PCDHGA11: variants seen among roughly 807,000 people sequenced by gnomAD.
The protein encoded by PCDHGA11 is protocadherin gamma subfamily A, 11, also known as protocadherin gamma-A11.
In PCDHGA11, 39 loss-of-function variants were observed where a neutral mutation model predicts 60.4. That is an observed-to-expected ratio of 0.65 (90% CI 0.50 to 0.84). The LOEUF (loss-of-function observed/expected upper bound fraction) is 0.84, where lower values mean the gene tolerates loss of function less well. Among genes scored for constraint, PCDHGA11 ranks in the 40% least tolerant of loss-of-function variants. PCDHGA11 has a pLI of 0.00. For missense variants in PCDHGA11, 1,165 were observed against 1,197.7 expected, an observed-to-expected ratio of 0.97 and a Z score of 0.40; for synonymous variants, 533 against 510.3, an observed-to-expected ratio of 1.04 and a Z score of -0.60.
At chr5:141,510,850 G>A in intron 3 of PCDHGA11, 97 bp from the exon 4 acceptor site, 4 of 1,599,444 alleles carry the variant, frequency 2.5e-6, no homozygotes, top group South Asian at 1.1e-5. Context: ...AAGGCCCAGG[G>A]TGCTGTATAG....
intron 1 of PCDHGA11, among the ~76,000 whole-genome samples, chr5:141,445,668 G>C (rs899062385): frequency 6.6e-6 from 1 of 152,156 alleles, no homozygotes; most frequent in Non-Finnish European, 1.5e-5. Flanking sequence ...ATGAGTAGAA[G>C]TTATCTAGGT....
rs763239421 is a variant in PCDHGA11, at chr5:141,477,265, G to C, written c.2434-17542G>C. 1 of 1,614,198 alleles carries C rather than the reference G, an allele frequency of 6.2e-7. No homozygotes were observed. Among genetic ancestry groups the C allele is most frequent in the Admixed American group, 1.7e-5 (1 of 60,020 alleles). On this transcript the variant is annotated intron_variant, in intron 1 of 3. Coordinates refer to ENST00000398587, the MANE Select transcript of PCDHGA11 (RefSeq NM_018914.3). The surrounding 1 kb of genome is among the most constrained non-coding windows in gnomAD (Gnocchi z 4.9). ...GTGTGACTGACCTGGATGCTGGCGA[G>C]AACGGGCTGGTGACCTGCGAAGTTC...
chr5:141,423,086 T>TG lies in PCDHGA11; in HGVS notation c.1864dup (p.Glu622GlyfsTer63). The TG allele has an allele frequency of 6.2e-7, 1 of 1,613,912 alleles. No individual in the cohort carries two copies. The highest frequency in any genetic ancestry group is 1.1e-5 in the South Asian group (1 of 91,060). On this transcript the variant is annotated frameshift_variant, in exon 1 of 4. Transcript: ENST00000398587. LOFTEE classifies it high-confidence loss of function. ...GCCAGCGAGCCGGGACTCTTCGCGG[T>TG]GGGGGAGCACACGGGCGAGGTGCGT...
chr5:141,471,006 T>A (rs560578929), intron 1 of PCDHGA11, among the ~76,000 whole-genome samples: 57 of 150,804 alleles, frequency 3.8e-4, no homozygotes, highest in African/African-American at 1.3e-3. Context: ...CATGAGCCAC[T>A]GTGCCTGGTC....
At position 141,490,169 on chromosome 5, in the gene PCDHGA11, T is replaced by C; in HGVS notation, c.2434-4638T>C. ...ATCCATGTGTTGGGTCCCATAGACT[T>C]TGAGGAGTCACGTTTCTATGAAATT... On this transcript the variant is annotated intron_variant, in intron 1 of 3. Transcript: ENST00000398587. This position sits in a 1 kb window ranked among gnomAD's most constrained non-coding sequence, Gnocchi z 5.4. 6.2e-7 allele frequency: 1 copy of C among 1,614,190 alleles called. No individual in the cohort carries two copies. The highest frequency in any genetic ancestry group is 8.5e-7 in the Non-Finnish European group (1 of 1,180,018).
chr5:141,421,426 A>T lies in PCDHGA11; in HGVS notation c.199A>T (p.Ile67Phe). The change falls in exon 1 of 4, where the codon ATC (isoleucine) becomes TTC (phenylalanine). Residue 67 changes from isoleucine to phenylalanine, a missense_variant. Ile to Phe is a conservative substitution (Grantham distance 21). Coordinates refer to ENST00000398587, the MANE Select transcript of PCDHGA11 (RefSeq NM_018914.3). Reference protein sequence around the residue: ...PRELAKRGVRIVSRGKTQLFA... With the variant: ...PRELAKRGVRFVSRGKTQLFA... Reference sequence around the variant, plus strand: ...GGAGCTGGCGAAGCGCGGAGTCCGCATCGTCTCCAGAGGGAAGACACAGCT... The same window carrying T: ...GGAGCTGGCGAAGCGCGGAGTCCGCTTCGTCTCCAGAGGGAAGACACAGCT... 2 of 1,614,104 alleles carry T rather than the reference A, an allele frequency of 1.2e-6. No individual in the cohort carries two copies. Among genetic ancestry groups the T allele is most frequent in the Non-Finnish European group, 8.5e-7 (1 of 1,179,922 alleles).
chr5:141,434,948 T>C (rs1486185815), intron 1 of PCDHGA11, among the ~76,000 whole-genome samples: 1 of 151,828 alleles, frequency 6.6e-6, no homozygotes, highest in East Asian at 1.9e-4. Flanking sequence ...ATATAATTTA[T>C]TAACAATTTA....
rs138542775 is a variant in PCDHGA11, at chr5:141,491,313, C to T, written c.2434-3494C>T. ...ACCCTCCTGAGCGTTCAGACCTTAC[C>T]CTTTACCTCATTGTGGCTCTAGCGA... On this transcript the variant is annotated intron_variant, in intron 1 of 3. Transcript: ENST00000398587. This position sits in a 1 kb window ranked among gnomAD's most constrained non-coding sequence, Gnocchi z 6.9. 405 of 1,614,154 alleles carry T rather than the reference C, an allele frequency of 2.5e-4. 2 individuals are homozygous for T. In the African/African-American group the frequency reaches 4.5e-3, roughly 18 times the overall value.
chr5:141,497,239 G>A (rs2099775226), intron 2 of PCDHGA11, among the ~76,000 whole-genome samples: 1 of 152,104 alleles, frequency 6.6e-6, no homozygotes, highest in Admixed American at 6.5e-5. Flanking sequence ...AAGGCTTCTA[G>A]GAGGAGGTGA....
Position 141,477,827 on chromosome 5 carries a change from C to T in PCDHGA11, c.2434-16980C>T, listed in dbSNP as rs2099419143. On this transcript the variant is annotated intron_variant, in intron 1 of 3. Coordinates refer to ENST00000398587, the MANE Select transcript of PCDHGA11 (RefSeq NM_018914.3). The surrounding 1 kb of genome is among the most constrained non-coding windows in gnomAD (Gnocchi z 4.9). ...CAATGCCCCCCAGGTCCTATATCCT[C>T]GGCCAGGTGGGAGCTCGGTGGAGAT... The T allele has an allele frequency of 1.2e-6, 2 of 1,614,038 alleles. No individual in the cohort carries two copies. Among genetic ancestry groups the T allele is most frequent in the African/African-American group, 1.3e-5 (1 of 74,928 alleles).
chr5:141,479,941 T>C (rs983830280), intron 1 of PCDHGA11, among the ~76,000 whole-genome samples: 2 of 152,194 alleles, frequency 1.3e-5, no homozygotes, highest in Admixed American at 6.5e-5. Context: ...TGCTATCAAC[T>C]CTTGGATTTG....
chr5:141,494,929 GGA>G, intron 2 of PCDHGA11, 64 bp downstream of exon 2: 1 of 1,613,142 alleles, frequency 6.2e-7, no homozygotes, highest in Non-Finnish European at 8.5e-7. Flanking sequence ...TGACGTGGGA[GGA>G]GATGGGGGAG....
In PCDHGA11 at chr5:141,423,339, C is replaced by T. The variant is rs1393650718; in HGVS notation, c.2112C>T (p.Ile704=). ...LVVAVAAVSC[I]FLVFVIVLLA... ...TGGCGGTGGCCGCAGTCTCCTGCAT[C>T]TTCCTGGTCTTTGTCATCGTGCTGC... The change falls in exon 1 of 4, where the codon ATC becomes ATT. Residue 704 remains isoleucine (I), a synonymous_variant. Transcript: ENST00000398587. 6.2e-7 allele frequency: 1 copy of T among 1,614,072 alleles called. No homozygotes were observed. The highest frequency in any genetic ancestry group is 8.5e-7 in the Non-Finnish European group (1 of 1,180,030).
At chr5:141,438,282 T>C (rs915347472) in intron 1 of PCDHGA11, among the ~76,000 whole-genome samples, 1 of 151,630 alleles carries the variant, frequency 6.6e-6, no homozygotes, top group African/African-American at 2.4e-5. Context: ...CAAAATAATT[T>C]AATCTGTATG....
intron 1 of PCDHGA11, among the ~76,000 whole-genome samples, chr5:141,443,085 G>A (rs991288098): frequency 3.9e-5 from 6 of 151,916 alleles, no homozygotes; most frequent in Admixed American, 2.6e-4. Flanking sequence ...GAGTGTTCCA[G>A]TCTCCTTCTC....
In PCDHGA11 at chr5:141,431,028, T is replaced by C. The variant is rs367575636; in HGVS notation, c.2433+7368T>C. On this transcript the variant is annotated intron_variant, in intron 1 of 3. Transcript: ENST00000398587. This position sits in a 1 kb window ranked among gnomAD's most constrained non-coding sequence, Gnocchi z 4.8. ...GGCAGCTTGGTCACGGCGGGCAGGA[T>C]AGACCGGGAGGAGCTCTGTATGGGG... The C allele has an allele frequency of 6.2e-7, 1 of 1,613,986 alleles. No homozygotes were observed. Among genetic ancestry groups the C allele is most frequent in the Admixed American group, 1.7e-5 (1 of 60,022 alleles).
intron 1 of PCDHGA11, among the ~76,000 whole-genome samples, chr5:141,492,631 A>G (rs1203365582): frequency 6.6e-6 from 1 of 152,184 alleles, no homozygotes; most frequent in Non-Finnish European, 1.5e-5. Flanking sequence ...GCAGGACTCT[A>G]CGATCCTTGG....
In PCDHGA11 at chr5:141,448,771, T is replaced by C. The variant is rs564309379; in HGVS notation, c.2433+25111T>C. Among the ~76,000 whole-genome samples the C allele has an allele frequency of 6.6e-4, 100 of 151,738 alleles. 1 individual carries two copies. The highest frequency in any genetic ancestry group is 6.8e-3 in the Middle Eastern group (2 of 294). On this transcript the variant is annotated intron_variant, in intron 1 of 3. Coordinates refer to ENST00000398587, the MANE Select transcript of PCDHGA11 (RefSeq NM_018914.3). ...CTGGCTAACACGGTGAAACCCCGTCTGTACTAAAAATACAAAAAAAAAAAT... is the reference window on the plus strand; with the variant it reads ...CTGGCTAACACGGTGAAACCCCGTCCGTACTAAAAATACAAAAAAAAAAAT...
intron 1 of PCDHGA11, chr5:141,475,820 C>G (rs890721743): frequency 1.1e-5 from 4 of 351,810 alleles, no homozygotes; most frequent in Non-Finnish European, 1.5e-5. Context: ...AAGTTCCTGG[C>G]GCTAGCGCGT....
Sources: allele counts gnomAD v4.1 joint callset (sites outside exome capture counted in the v4.1 genomes callset), GRCh38; gene constraint gnomAD v4.1.1; non-coding constraint Gnocchi (gnomAD v3.1); transcripts MANE v1.5; gene names NCBI Gene and HGNC (gene_info 2026-07-23, HGNC 2026-07-21).